The following ABCD3 variants were observed in gnomAD, a reference collection of about 807,000 sequenced individuals.
ABCD3 encodes the protein ATP binding cassette subfamily D member 3, also known as ATP-binding cassette sub-family D member 3.
ABCD3 carries 41 observed loss-of-function variants against 105.5 expected under a neutral mutation model. The ratio of observed to expected loss-of-function variants is 0.39; its 90% CI spans 0.30 to 0.50. The LOEUF is 0.50. Among genes scored for constraint, ABCD3 ranks in the 20% least tolerant of loss-of-function variants. The pLI is 0.84. For missense variants in ABCD3, 622 were observed against 806.3 expected (o/e 0.77, Z 2.77); for synonymous variants, 258 against 269.0 (o/e 0.96, Z 0.40).
intron 1 of ABCD3, among the ~76,000 whole-genome samples, chr1:94,438,858 G>T (rs1660031302): frequency 6.6e-6 from 1 of 152,130 alleles, no homozygotes; most frequent in African/African-American, 2.4e-5. Flanking sequence ...ATGTGCACTG[G>T]GAAACCAAAA....
rs116434343 is a variant in ABCD3 at position 94,464,128 on chromosome 1, T to G, written c.148-647T>G. ...CCCTGTCTAGTCTGTCTGTAATAAT[T>G]TATTTATTGGTTTATTTTTTGTCTA... On this transcript the variant is annotated intron_variant, in intron 2 of 22. Transcript: ENST00000370214. 8.3e-3 allele frequency among the ~76,000 whole-genome samples: 1,265 copies of G among 152,264 alleles called. 14 individuals are homozygous for G. Among genetic ancestry groups the G allele is most frequent in the African/African-American group, 0.029 (1,213 of 41,546 alleles).
intron 1 of ABCD3, among the ~76,000 whole-genome samples, chr1:94,428,075 T>G (rs934831249): frequency 1.5e-4 from 18 of 122,840 alleles, no homozygotes; most frequent in South Asian, 6.3e-4. Flanking sequence ...AGGTGTTTTG[T>G]TTTTTTTTTT....
the ABCD3 span, among the ~76,000 whole-genome samples, chr1:94,400,098 C>T: frequency 6.6e-6 from 1 of 152,026 alleles, no homozygotes; most frequent in African/African-American, 2.4e-5. Context: ...TAAACAGAAG[C>T]ACAACATCCT....
At chr1:94,459,918 C>T (rs1432049117) in intron 2 of ABCD3, among the ~76,000 whole-genome samples, 1 of 152,196 alleles carries the variant, frequency 6.6e-6, no homozygotes, top group East Asian at 1.9e-4. Context: ...CAAGGTTCAT[C>T]ATGTTGTTGT....
At position 94,429,190 on chromosome 1, in the gene ABCD3, G is replaced by A. The variant is rs954867420; in HGVS notation, c.110+10602G>A. On this transcript the variant is annotated intron_variant, in intron 1 of 22. Transcript: ENST00000370214. ...GAGAGAGGTGATTAGGGTGTTTGGC[G>A]GAAGAAATTTCTAAGCAGCAAAGAA... is the stretch of plus-strand genomic sequence containing the variant. Among the ~76,000 whole-genome samples the A allele has an allele frequency of 2.0e-5, 3 of 152,278 alleles. No individual in the cohort carries two copies. In the East Asian group the frequency reaches 5.8e-4, roughly 29 times the overall value.
chr1:94,435,158 G>T (rs1255134092), intron 1 of ABCD3, among the ~76,000 whole-genome samples: 1 of 152,060 alleles, frequency 6.6e-6, no homozygotes, highest in Admixed American at 6.5e-5. Context: ...TTGGTAGTTG[G>T]ATCTAAAACC....
At chr1:94,450,263 G>A (rs1478755603) in intron 1 of ABCD3, among the ~76,000 whole-genome samples, 2 of 152,230 alleles carry the variant, frequency 1.3e-5, no homozygotes, top group Non-Finnish European at 2.9e-5. Flanking sequence ...TGACAAAGCC[G>A]CCTTTGCTTT....
At chr1:94,475,544 T>C (rs1314290603) in intron 6 of ABCD3, 70 bp from the exon 7 acceptor site, 17 of 1,509,194 alleles carry the variant, frequency 1.1e-5, no homozygotes, top group South Asian at 4.6e-5. Flanking sequence ...TGGTGTAATA[T>C]GATTTTTTTG....
intron 1 of ABCD3, among the ~76,000 whole-genome samples, chr1:94,434,553 G>A (rs1659825355): frequency 6.6e-6 from 1 of 152,126 alleles, no homozygotes; most frequent in African/African-American, 2.4e-5. Context: ...CAGCTACAGA[G>A]TCACTAGGTG....
chr1:94,415,053 T>A (rs1016792737), upstream of ABCD3, among the ~76,000 whole-genome samples: 24 of 152,048 alleles, frequency 1.6e-4, no homozygotes, highest in African/African-American at 5.8e-4. Flanking sequence ...AGGCCTCAGT[T>A]CCTCTCCAGG....
chr1:94,461,634 G>T (rs1162081029), intron 2 of ABCD3, among the ~76,000 whole-genome samples: 1 of 151,926 alleles, frequency 6.6e-6, no homozygotes, highest in Non-Finnish European at 1.5e-5. Context: ...TTCATATTCT[G>T]TTTCTGTGTA....
the ABCD3 span, among the ~76,000 whole-genome samples, chr1:94,405,483 T>C: frequency 6.6e-6 from 1 of 152,102 alleles, no homozygotes; most frequent in Non-Finnish European, 1.5e-5. Context: ...TTTGTATTTT[T>C]AGTACAGACA....
At chr1:94,405,290 C>A in the ABCD3 span, among the ~76,000 whole-genome samples, 2 of 149,880 alleles carry the variant, frequency 1.3e-5, no homozygotes, top group Non-Finnish European at 3.0e-5. Flanking sequence ...CATACCTTGC[C>A]ACATAGTAAC....
At chr1:94,480,389 G>T in intron 8 of ABCD3, 75 bp from the exon 9 acceptor site, 1 of 1,566,122 alleles carries the variant, frequency 6.4e-7, no homozygotes, top group Non-Finnish European at 8.8e-7. Flanking sequence ...TATAAAAATT[G>T]TACATGTTTG....
the ABCD3 span, among the ~76,000 whole-genome samples, chr1:94,388,461 A>G: frequency 1.3e-5 from 2 of 152,214 alleles, no homozygotes; most frequent in Admixed American, 6.5e-5. Flanking sequence ...ACAACATGCT[A>G]CAAGTGGCTA....
intron 4 of ABCD3, chr1:94,472,071 A>G: frequency 3.7e-6 from 1 of 267,858 alleles, no homozygotes; most frequent in Non-Finnish European, 5.8e-6. Context: ...AGCAGAATTT[A>G]AAAATTACCA....
At chr1:94,505,062 G>A (rs2101052511) in intron 20 of ABCD3, among the ~76,000 whole-genome samples, 1 of 152,272 alleles carries the variant, frequency 6.6e-6, no homozygotes, top group South Asian at 2.1e-4. Context: ...TTCAAGATTA[G>A]GGAAGGGAAT....
the ABCD3 span, among the ~76,000 whole-genome samples, chr1:94,410,199 C>T: frequency 6.6e-6 from 1 of 152,162 alleles, no homozygotes; most frequent in Non-Finnish European, 1.5e-5. Context: ...AAACTTGCCT[C>T]CTTGCAACTC....
Position 94,516,686 on chromosome 1 carries a change from A to T in ABCD3, c.1903-366A>T, listed in dbSNP as rs369640451. Among the ~76,000 whole-genome samples the T allele has an allele frequency of 5.9e-5, 9 of 152,080 alleles. No homozygotes were observed. The East Asian group carries it at 1.2e-3, about 20-fold the overall frequency. On this transcript the variant is annotated intron_variant, in intron 22 of 22. Coordinates refer to ENST00000370214, the MANE Select transcript of ABCD3 (RefSeq NM_002858.4). ...AAATAAGCCACTAAATAAAAACAGA[A>T]GGCTTTGTAACTGCTGTTGTGTCTT...
Sources: gnomAD v4.1 joint callset for allele counts (sites outside exome capture counted in the v4.1 genomes callset) on GRCh38, gnomAD v4.1.1 for gene constraint, MANE v1.5 for transcripts, NCBI Gene and HGNC (gene_info 2026-07-23, HGNC 2026-07-21) for gene names.